Variants in COL5A1 observed in about 807,000 individuals in gnomAD.
COL5A1 encodes collagen alpha-1(V) chain.
In COL5A1, 16 loss-of-function variants were observed where a neutral mutation model predicts 263.7. The ratio of observed to expected loss-of-function variants is 0.06; its 90% CI spans 0.04 to 0.09. The LOEUF is 0.09. Ranked by LOEUF, COL5A1 falls within the 10% of genes least tolerant of loss-of-function variation. The pLI, the probability that COL5A1 is intolerant of heterozygous loss-of-function variation, is 1.00. For synonymous variants in COL5A1, 1,012 were observed against 1,004.5 expected (o/e 1.01, Z -0.14); for missense variants, 2,036 against 2,540.5 (o/e 0.80, Z 4.27).
intron 11 of COL5A1, among the ~76,000 whole-genome samples, chr9:134,739,712 A>G (rs1389004915): frequency 2.0e-5 from 3 of 152,172 alleles, no homozygotes; most frequent in Non-Finnish European, 1.5e-5. Context: ...GCCAGGGCGC[A>G]GGACAGTAAG....
At chr9:134,745,666 G>T (rs561892588) in intron 11 of COL5A1, among the ~76,000 whole-genome samples, 1 of 152,174 alleles carries the variant, frequency 6.6e-6, no homozygotes, top group Non-Finnish European at 1.5e-5. Flanking sequence ...GGCTCAGTAG[G>T]AACCCTCTCA....
chr9:134,694,197 C>T (rs984781240), intron 2 of COL5A1, among the ~76,000 whole-genome samples: 14 of 152,280 alleles, frequency 9.2e-5, no homozygotes, highest in Admixed American at 3.3e-4. Flanking sequence ...CTCACACACC[C>T]CTCGGCAAAT....
Position 134,802,125 on chromosome 9 carries a change from G to A in COL5A1, c.3006+118G>A, listed in dbSNP as rs1028736666. 2.6e-5 allele frequency: 27 copies of A among 1,032,800 alleles called. No individual in the cohort carries two copies. The Admixed American group carries it at 3.6e-4, about 14-fold the overall frequency. 64.0% of individuals were successfully genotyped at this position (1,032,800 alleles called of 1,614,324 possible). A position where few individuals can be genotyped will look rare whatever the true frequency, so the allele number is the denominator to read the frequency against. On this transcript the variant is annotated intron_variant, in intron 38 of 65. Transcript: ENST00000371817. The stretch of plus-strand genomic sequence containing the variant: ...ATTCCGGAGGTGCAGGTACTGCTGA[G>A]AGGTTATCTTAGGTCCTGAATGTTG...
intron 2 of COL5A1, among the ~76,000 whole-genome samples, chr9:134,698,416 C>G (rs1833559173): frequency 6.6e-6 from 1 of 151,824 alleles, no homozygotes; most frequent in African/African-American, 2.4e-5. Context: ...GCTTCCAGCG[C>G]TCACGCAGGC....
rs1158596820 is a variant in COL5A1, at chr9:134,677,614, C to T, written c.110-13298C>T. ...CCCCCATCACTCCTTGGCACAGCCA[C>T]CCTTCATCCAGCCGTCCCTGGGGCC... On this transcript the variant is annotated intron_variant, in intron 1 of 65. Coordinates refer to ENST00000371817, the MANE Select transcript of COL5A1 (RefSeq NM_000093.5). The surrounding 1 kb of genome is among the most constrained non-coding windows in gnomAD (Gnocchi z 4.4). Among the ~76,000 whole-genome samples the T allele has an allele frequency of 2.0e-5, 3 of 152,220 alleles. No individual in the cohort carries two copies. Among genetic ancestry groups the T allele is most frequent in the South Asian group, 2.1e-4 (1 of 4,832 alleles).
In COL5A1 at chr9:134,682,377, A is replaced by AGGGGACTGTGCGGGTGAACATGGGGC. The variant is rs1832888608; in HGVS notation, c.110-8534_110-8509dup. On this transcript the variant is annotated intron_variant, in intron 1 of 65. Coordinates refer to ENST00000371817, the MANE Select transcript of COL5A1 (RefSeq NM_000093.5). The surrounding 1 kb of genome is among the most constrained non-coding windows in gnomAD (Gnocchi z 5.1). Reference sequence around the variant, plus strand: ...TTTAGCCACCACAGCGGGCATGGGGAGGGGACTGTGCGGGTGAACATGGGG... The same window carrying AGGGGACTGTGCGGGTGAACATGGGGC: ...TTTAGCCACCACAGCGGGCATGGGGAGGGGACTGTGCGGGTGAACATGGGGCGGGGACTGTGCGGGTGAACATGGGG... Among the ~76,000 whole-genome samples, 1 of 152,138 alleles carries AGGGGACTGTGCGGGTGAACATGGGGC rather than the reference A, an allele frequency of 6.6e-6. No homozygotes were observed. Among genetic ancestry groups the AGGGGACTGTGCGGGTGAACATGGGGC allele is most frequent in the African/African-American group, 2.4e-5 (1 of 41,426 alleles).
chr9:134,742,937 G>A lies in COL5A1; in HGVS notation c.1494+4129G>A, dbSNP rs1396919551. Among the ~76,000 whole-genome samples, 1 of 152,104 alleles carries A rather than the reference G, an allele frequency of 6.6e-6. No homozygotes were observed. Among genetic ancestry groups the A allele is most frequent in the East Asian group, 1.9e-4 (1 of 5,190 alleles). On this transcript the variant is annotated intron_variant, in intron 11 of 65. Transcript: ENST00000371817. The surrounding 1 kb of genome is among the most constrained non-coding windows in gnomAD (Gnocchi z 4.6). Reference sequence around the variant, plus strand: ...CATCAGTAAAGATTCAGGCCCCAGTGAGTCCCGCCTTCCATGGACTTCCAG... The same window carrying A: ...CATCAGTAAAGATTCAGGCCCCAGTAAGTCCCGCCTTCCATGGACTTCCAG...
In COL5A1 at chr9:134,823,089, G is replaced by C. The variant is rs920592131; in HGVS notation, c.4644+56G>C. On this transcript the variant is annotated intron_variant, in intron 60 of 65. Coordinates refer to ENST00000371817, the MANE Select transcript of COL5A1 (RefSeq NM_000093.5). ...GCCTGGAAGGTAGGGGAGGGCGACG[G>C]GTCCCCTGGCACGGGAACAAACTAC... 3.8e-6 allele frequency: 6 copies of C among 1,590,784 alleles called. No homozygotes were observed. The South Asian group carries it at 6.6e-5, about 18-fold the overall frequency.
chr9:134,724,028 C>T (rs1482679762), intron 4 of COL5A1, among the ~76,000 whole-genome samples: 1 of 152,124 alleles, frequency 6.6e-6, no homozygotes, highest in Non-Finnish European at 1.5e-5. Context: ...TCCCCTCGGC[C>T]CCTGCCTCGC....
At position 134,803,759 on chromosome 9, in the gene COL5A1, T is replaced by C. The variant is rs559499016; in HGVS notation, c.3114+764T>C. On this transcript the variant is annotated intron_variant, in intron 39 of 65. Transcript: ENST00000371817. ...TCGGGAGGCTGAGGCAGCAGAATGG[T>C]GTGAACTCGGGGGGCGGAGCTTGCA... 2.8e-4 allele frequency among the ~76,000 whole-genome samples: 42 copies of C among 151,708 alleles called. No homozygotes were observed. The East Asian group carries it at 8.2e-3, about 30-fold the overall frequency.
intron 27 of COL5A1, among the ~76,000 whole-genome samples, chr9:134,778,342 G>A (rs1044049404): frequency 3.9e-5 from 6 of 152,266 alleles, no homozygotes; most frequent in Non-Finnish European, 7.3e-5. Context: ...TGCCAAGCGC[G>A]TGCTGTGCTC....
chr9:134,747,110 A>C lies in COL5A1; in HGVS notation c.1495-3432A>C, dbSNP rs376991004. ...CTGAGGACTTGTGTCAAATTTGAAC[A>C]CTTCGGAAGGGTTCATGGGGGTGGC... On this transcript the variant is annotated intron_variant, in intron 11 of 65. Coordinates refer to ENST00000371817, the MANE Select transcript of COL5A1 (RefSeq NM_000093.5). Among the ~76,000 whole-genome samples the C allele has an allele frequency of 6.4e-3, 968 of 152,330 alleles. 13 individuals are homozygous for C. The highest frequency in any genetic ancestry group is 0.022 in the African/African-American group (919 of 41,564).
intron 19 of COL5A1, 103 bp from the exon 20 acceptor site, chr9:134,763,590 T>C: frequency 8.3e-7 from 1 of 1,207,022 alleles, no homozygotes; most frequent in Non-Finnish European, 1.2e-6. Context: ...CTGGCGTATG[T>C]GAAGCAGCCC....
chr9:134,708,888 A>G (rs781256277), intron 4 of COL5A1: 7 of 456,514 alleles, frequency 1.5e-5, no homozygotes, highest in South Asian at 1.1e-4. Flanking sequence ...TGCCGCTTCC[A>G]GCCCCGGGTG....
chr9:134,740,157 C>T (rs1033157240), intron 11 of COL5A1, among the ~76,000 whole-genome samples: 2 of 152,208 alleles, frequency 1.3e-5, no homozygotes, highest in African/African-American at 2.4e-5. Context: ...ACAGCATCCC[C>T]GGCCTGGCAG....
chr9:134,760,889 CCA>C (rs772598424), intron 18 of COL5A1, among the ~76,000 whole-genome samples: 16 of 148,558 alleles, frequency 1.1e-4, no homozygotes, highest in South Asian at 2.2e-4. Context: ...GCATACATAC[CCA>C]CACACGCATA....
chr9:134,725,350 G>C (rs181290668), intron 4 of COL5A1, among the ~76,000 whole-genome samples: 1 of 152,198 alleles, frequency 6.6e-6, no homozygotes, highest in Admixed American at 6.5e-5. Context: ...GAGAGACCAG[G>C]TGCAGGCTCT....
chr9:134,703,627 GTTTTTTTTT>G (rs55882557), intron 4 of COL5A1, among the ~76,000 whole-genome samples: 4 of 73,300 alleles, frequency 5.5e-5, no homozygotes, highest in African/African-American at 2.3e-4. Context: ...GTGGCCTCGG[GTTTTTTTTT>G]TTTTTTTTTT....
At chr9:134,689,761 C>T (rs545187163) in intron 1 of COL5A1, among the ~76,000 whole-genome samples, 21 of 152,336 alleles carry the variant, frequency 1.4e-4, no homozygotes, top group African/African-American at 3.4e-4. Context: ...AGAGGGGGCA[C>T]GGCCAACCCC....
Sources: allele counts gnomAD v4.1 joint callset (sites outside exome capture counted in the v4.1 genomes callset), GRCh38; gene constraint gnomAD v4.1.1; non-coding constraint Gnocchi (gnomAD v3.1); transcripts MANE v1.5; gene names NCBI Gene and HGNC (gene_info 2026-07-23, HGNC 2026-07-21).